Variants in KIF26B observed in about 807,000 individuals in gnomAD.
KIF26B encodes kinesin family member 26B, also known as kinesin-like protein KIF26B.
In KIF26B, 63 loss-of-function variants were observed where a neutral mutation model predicts 151.2. The ratio of observed to expected loss-of-function variants is 0.42; its 90% CI spans 0.34 to 0.51. KIF26B has a LOEUF of 0.51. Among genes scored for constraint, KIF26B ranks in the 20% least tolerant of loss-of-function variants. KIF26B has a pLI of 0.07. For synonymous variants in KIF26B, 1,357 were observed against 1,262.1 expected (o/e 1.08, Z -1.59); for missense variants, 2,813 against 2,913.6 (o/e 0.97, Z 0.79).
intron 5 of KIF26B, among the ~76,000 whole-genome samples, chr1:245,594,437 A>G (rs1325917327): frequency 6.6e-6 from 1 of 152,158 alleles, no homozygotes; most frequent in Admixed American, 6.5e-5. Flanking sequence ...TCCTTTCCCC[A>G]TTGCTTGTTT....
At chr1:245,287,169 T>A (rs145642600) in intron 2 of KIF26B, among the ~76,000 whole-genome samples, 175 of 152,272 alleles carry the variant, frequency 1.1e-3, no homozygotes, top group African/African-American at 4.0e-3. Flanking sequence ...GTTTATCACA[T>A]ATAACAGGAA....
At chr1:245,317,202 C>T (rs1671796008) in intron 2 of KIF26B, among the ~76,000 whole-genome samples, 1 of 152,140 alleles carries the variant, frequency 6.6e-6, no homozygotes, top group Non-Finnish European at 1.5e-5. Context: ...GTTCTCTTCC[C>T]GGTAGAAGGA....
chr1:245,399,666 C>T (rs534848313), intron 3 of KIF26B, among the ~76,000 whole-genome samples: 152 of 152,284 alleles, frequency 1.0e-3, no homozygotes, highest in African/African-American at 3.5e-3. Flanking sequence ...AGAAGCAACA[C>T]GCATGATAAT....
intron 10 of KIF26B, among the ~76,000 whole-genome samples, chr1:245,670,245 CATATATATATATAT>C (rs10584392): frequency 0.042 from 5,593 of 134,730 alleles, 366 homozygotes; most frequent in African/African-American, 0.14. Context: ...TGTGTATATC[CATATATATATATAT>C]ATATATATAT....
intron 2 of KIF26B, among the ~76,000 whole-genome samples, chr1:245,161,368 T>C (rs1668526833): frequency 6.6e-6 from 1 of 152,240 alleles, no homozygotes; most frequent in Admixed American, 6.5e-5. Flanking sequence ...CAAAAATCCC[T>C]GGCCTGCAAT....
chr1:245,625,005 A>G (rs1303779853), intron 9 of KIF26B, among the ~76,000 whole-genome samples: 5 of 152,132 alleles, frequency 3.3e-5, no homozygotes, highest in African/African-American at 1.2e-4. Flanking sequence ...CAAAATTTCC[A>G]GTATCATTTG....
chr1:245,284,853 A>G (rs1207593024), intron 2 of KIF26B, among the ~76,000 whole-genome samples: 1 of 151,980 alleles, frequency 6.6e-6, no homozygotes. Context: ...AGCCTGACCA[A>G]TATGGAGAAA....
At chr1:245,370,252 A>G (rs1411355213) in intron 3 of KIF26B, among the ~76,000 whole-genome samples, 2 of 152,044 alleles carry the variant, frequency 1.3e-5, no homozygotes, top group African/African-American at 4.8e-5. Context: ...CCATGCCACT[A>G]TATGTTTCCC....
intron 10 of KIF26B, among the ~76,000 whole-genome samples, chr1:245,663,449 T>G (rs2044180086): frequency 6.6e-6 from 1 of 152,168 alleles, no homozygotes; most frequent in Admixed American, 6.5e-5. Flanking sequence ...AATCAACTTT[T>G]TGTTGTTTAT....
intron 2 of KIF26B, among the ~76,000 whole-genome samples, chr1:245,332,049 G>A (rs905939592): frequency 6.6e-6 from 1 of 152,180 alleles, no homozygotes; most frequent in African/African-American, 2.4e-5. Context: ...TCACTTGAAT[G>A]CAGGAAATAG....
chr1:245,494,599 A>G (rs71636562), intron 4 of KIF26B, among the ~76,000 whole-genome samples: 5,030 of 152,256 alleles, frequency 0.033, 131 homozygotes, highest in Non-Finnish European at 0.05. Context: ...CCAAGAAATA[A>G]GCCTAAAAGA....
rs1328258254 is a variant in KIF26B, at chr1:245,488,272, T to A, written c.1167-52495T>A. On this transcript the variant is annotated intron_variant, in intron 4 of 14. Transcript: ENST00000407071. This position sits in a 1 kb window ranked among gnomAD's most constrained non-coding sequence, Gnocchi z 4.6. ...TCTTCATTGCTTTGATAGCAACTTT[T>A]AGGCTCCCTTAGCTTTAAAAAAGAA... 6.6e-6 allele frequency among the ~76,000 whole-genome samples: 1 copy of A among 152,062 alleles called. No individual in the cohort carries two copies.
At chr1:245,246,331 T>G (rs749931346) in intron 2 of KIF26B, among the ~76,000 whole-genome samples, 1 of 152,236 alleles carries the variant, frequency 6.6e-6, no homozygotes, top group Non-Finnish European at 1.5e-5. Flanking sequence ...TGTCTGGGGA[T>G]GAGCAATGCT....
At position 245,606,879 on chromosome 1, in the gene KIF26B, G is replaced by A. The variant is rs1373463770; in HGVS notation, c.1558-772G>A. 2.0e-5 allele frequency among the ~76,000 whole-genome samples: 3 copies of A among 151,982 alleles called. No individual in the cohort carries two copies. The highest frequency in any genetic ancestry group is 1.9e-4 in the East Asian group (1 of 5,152). On this transcript the variant is annotated intron_variant, in intron 6 of 14. Transcript: ENST00000407071. The surrounding 1 kb of genome is among the most constrained non-coding windows in gnomAD (Gnocchi z 4.6). ...GGAGTTTGAGACCAGCCTGACCAAC[G>A]TGGTGAAACCCCCTCTCTACTAAAA... is the stretch of plus-strand genomic sequence containing the variant.
chr1:245,374,075 AAAAAAAAAAAAAAAAAAAAATATAT>A (rs1673194064), intron 3 of KIF26B, among the ~76,000 whole-genome samples: 1 of 36,228 alleles, frequency 2.8e-5, no homozygotes, highest in Non-Finnish European at 4.8e-5. Context: ...AAAAAAAAAA[AAAAAAAAAAAAAAAAAAAAATATAT>A]ATATATATAT....
At chr1:245,650,852 G>GA (rs2044007029) in intron 10 of KIF26B, among the ~76,000 whole-genome samples, 1 of 152,170 alleles carries the variant, frequency 6.6e-6, no homozygotes. Context: ...CAGTCATCTT[G>GA]AAAAATGGTG....
intron 4 of KIF26B, among the ~76,000 whole-genome samples, chr1:245,527,963 T>C (rs1464981904): frequency 6.6e-6 from 1 of 152,056 alleles, no homozygotes; most frequent in Non-Finnish European, 1.5e-5. Flanking sequence ...CAAGAAGCTA[T>C]TAAGTTTCCC....
chr1:245,493,389 G>C (rs1162316608), intron 4 of KIF26B, among the ~76,000 whole-genome samples: 1 of 152,308 alleles, frequency 6.6e-6, no homozygotes, highest in South Asian at 2.1e-4. Context: ...AAGCAAGAAT[G>C]CCTGCTCAAT....
chr1:245,212,268 G>A lies in KIF26B; in HGVS notation c.465+55585G>A, dbSNP rs555015218. 2.6e-5 allele frequency among the ~76,000 whole-genome samples: 4 copies of A among 152,242 alleles called. No individual in the cohort carries two copies. In the East Asian group the frequency reaches 7.7e-4, roughly 29 times the overall value. On this transcript the variant is annotated intron_variant, in intron 2 of 14. Transcript: ENST00000407071. ...ATCCCCATTTTAAAGGTGGGTAATTGGGGGCCTCAAGAGATTAGGAGTCTT... is the reference window on the plus strand; with the variant it reads ...ATCCCCATTTTAAAGGTGGGTAATTAGGGGCCTCAAGAGATTAGGAGTCTT...
Sources: gnomAD v4.1 joint callset for allele counts (sites outside exome capture counted in the v4.1 genomes callset) on GRCh38, gnomAD v4.1.1 for gene constraint, Gnocchi (gnomAD v3.1) non-coding constraint, MANE v1.5 for transcripts, NCBI Gene and HGNC (gene_info 2026-07-23, HGNC 2026-07-21) for gene names.